PCDH9: variants seen among roughly 807,000 people sequenced by gnomAD.
The protein encoded by PCDH9 is protocadherin-9.
A neutral mutation model predicts 70.6 loss-of-function variants in PCDH9; 24 were observed. The ratio of observed to expected loss-of-function variants is 0.34; its 90% CI spans 0.25 to 0.48. The LOEUF (loss-of-function observed/expected upper bound fraction) is 0.48, where lower values mean the gene tolerates loss of function less well. PCDH9 is among the 20% of genes least tolerant of loss of function. The probability of loss-of-function intolerance (pLI) is 0.99; values close to 1 mark genes in which losing one functional copy is unlikely to be tolerated. For synonymous variants in PCDH9, 562 were observed against 558.5 expected (o/e 1.01, Z -0.09); for missense variants, 1,281 against 1,503.6 (o/e 0.85, Z 2.45).
At chr13:66,401,885 G>A (rs999315961) in intron 4 of PCDH9, among the ~76,000 whole-genome samples, 2 of 152,106 alleles carry the variant, frequency 1.3e-5, no homozygotes. Context: ...CTTTCTGCCA[G>A]AACTAGCATA....
chr13:66,788,648 A>ATTTT lies in PCDH9; in HGVS notation c.3138+114852_3138+114855dup, dbSNP rs58386697. On this transcript the variant is annotated intron_variant, in intron 3 of 4. Coordinates refer to ENST00000377865, the MANE Select transcript of PCDH9 (RefSeq NM_203487.3). ...TCCCAGGGTACAAAGCTAAACAGTA[A>ATTTT]TTTTTTTTTTTTTTTTTTTTTTTTT... Among the ~76,000 whole-genome samples, 541 of 81,654 alleles carry ATTTT rather than the reference A, an allele frequency of 6.6e-3. 2 individuals are homozygous for ATTTT. The highest frequency in any genetic ancestry group is 0.012 in the African/African-American group (229 of 19,416). The allele number at this position is 81,654 out of a possible 152,430, so 53.6% of individuals were successfully genotyped here.
chr13:66,951,333 A>T (rs2083176807), intron 2 of PCDH9, among the ~76,000 whole-genome samples: 1 of 152,184 alleles, frequency 6.6e-6, no homozygotes, highest in Non-Finnish European at 1.5e-5. Context: ...GGATTGAAAG[A>T]TGTCTCTGGA....
intron 3 of PCDH9, among the ~76,000 whole-genome samples, chr13:66,887,034 A>AACACACACACAC (rs9317623): frequency 7.0e-6 from 1 of 143,874 alleles, no homozygotes; most frequent in African/African-American, 2.6e-5. Flanking sequence ...CAAATATAAT[A>AACACACACACAC]ACACACACAC....
At chr13:66,399,830 A>G (rs1957158218) in intron 4 of PCDH9, among the ~76,000 whole-genome samples, 1 of 152,174 alleles carries the variant, frequency 6.6e-6, no homozygotes, top group African/African-American at 2.4e-5. Flanking sequence ...ACCCTGCCTC[A>G]AAAACAAACA....
intron 2 of PCDH9, among the ~76,000 whole-genome samples, chr13:67,153,623 A>G (rs1427664112): frequency 6.6e-6 from 1 of 152,196 alleles, no homozygotes; most frequent in Non-Finnish European, 1.5e-5. Flanking sequence ...TATTGTGTGA[A>G]ATGCCTTACA....
At chr13:66,873,351 C>T (rs1566256909) in intron 3 of PCDH9, among the ~76,000 whole-genome samples, 1 of 152,050 alleles carries the variant, frequency 6.6e-6, no homozygotes, top group Non-Finnish European at 1.5e-5. Flanking sequence ...TCTACTTCAT[C>T]CTACATTTAA....
At chr13:67,215,987 A>T (rs2089591568) in intron 2 of PCDH9, 1 of 152,154 alleles carries the variant, frequency 6.6e-6, no homozygotes, top group African/African-American at 2.4e-5. Context: ...ATTTGAGACC[A>T]AAAGATCATC....
chr13:66,991,248 T>C (rs1024442708), intron 2 of PCDH9: 1 of 152,086 alleles, frequency 6.6e-6, no homozygotes, highest in Non-Finnish European at 1.5e-5. Context: ...TCCATTACTA[T>C]CTAAAAACTA....
intron 3 of PCDH9, among the ~76,000 whole-genome samples, chr13:66,811,455 C>T (rs1215328939): frequency 2.0e-5 from 3 of 152,158 alleles, no homozygotes; most frequent in Non-Finnish European, 2.9e-5. Context: ...TCCCATTCAG[C>T]TTCCATAATA....
intron 2 of PCDH9, among the ~76,000 whole-genome samples, chr13:67,101,653 A>G (rs899498886): frequency 2.6e-5 from 4 of 152,208 alleles, no homozygotes; most frequent in Non-Finnish European, 5.9e-5. Context: ...TTGGTGTTAC[A>G]CACTCCAAAT....
chr13:66,672,809 G>C (rs1205413149), intron 3 of PCDH9, among the ~76,000 whole-genome samples: 1 of 152,162 alleles, frequency 6.6e-6, no homozygotes, highest in Non-Finnish European at 1.5e-5. Flanking sequence ...TTTTGGATTT[G>C]CCTGGGTCCT....
intron 2 of PCDH9, among the ~76,000 whole-genome samples, chr13:66,907,786 A>G (rs2082388627): frequency 6.6e-6 from 1 of 152,120 alleles, no homozygotes; most frequent in African/African-American, 2.4e-5. Context: ...AATGCTTAGT[A>G]TTATTTATTA....
intron 2 of PCDH9, among the ~76,000 whole-genome samples, chr13:67,098,473 T>C (rs2086366728): frequency 6.6e-6 from 1 of 152,180 alleles, no homozygotes; most frequent in Admixed American, 6.5e-5. Flanking sequence ...TGAAATTGTG[T>C]CACTTTCCTA....
chr13:66,929,756 C>A (rs767870581), intron 2 of PCDH9, among the ~76,000 whole-genome samples: 13 of 152,110 alleles, frequency 8.5e-5, no homozygotes, highest in Non-Finnish European at 1.8e-4. Context: ...TTTTAAAAAT[C>A]TTATCTAGCC....
chr13:67,090,850 AAC>A (rs2086204244), intron 2 of PCDH9, among the ~76,000 whole-genome samples: 1 of 152,084 alleles, frequency 6.6e-6, no homozygotes, highest in East Asian at 1.9e-4. Flanking sequence ...TAGATGAAGA[AAC>A]GGTGTCGCAG....
intron 2 of PCDH9, among the ~76,000 whole-genome samples, chr13:67,033,182 T>C (rs546331276): frequency 1.3e-5 from 2 of 152,320 alleles, no homozygotes; most frequent in East Asian, 3.9e-4. Context: ...TGTGATTACA[T>C]GCTACCAATC....
At chr13:66,402,139 C>T (rs879604477) in intron 4 of PCDH9, among the ~76,000 whole-genome samples, 2 of 151,960 alleles carry the variant, frequency 1.3e-5, no homozygotes, top group South Asian at 2.1e-4. Context: ...TGGCTTTCTG[C>T]CTTTGGAATT....
intron 3 of PCDH9, among the ~76,000 whole-genome samples, chr13:66,766,655 G>A (rs2079722771): frequency 6.6e-6 from 1 of 151,844 alleles, no homozygotes; most frequent in African/African-American, 2.4e-5. Context: ...AGGGGAAAGG[G>A]AAGGAGGAGA....
At chr13:67,181,171 T>A (rs1265813357) in intron 2 of PCDH9, among the ~76,000 whole-genome samples, 1 of 152,152 alleles carries the variant, frequency 6.6e-6, no homozygotes, top group African/African-American at 2.4e-5. Context: ...GTTTTCAAAC[T>A]AGTGTCTATG....
Sources: gnomAD v4.1 joint callset for allele counts (sites outside exome capture counted in the v4.1 genomes callset) on GRCh38, gnomAD v4.1.1 for gene constraint, MANE v1.5 for transcripts, NCBI Gene and HGNC (gene_info 2026-07-23, HGNC 2026-07-21) for gene names.